The following TECTA variants were observed in gnomAD, a reference collection of about 807,000 sequenced individuals.
TECTA encodes the protein alpha-tectorin.
In TECTA, 128 loss-of-function variants were observed where a neutral mutation model predicts 216.8. That is an observed-to-expected ratio of 0.59 (90% CI 0.51 to 0.68). The LOEUF is 0.68. Ranked by LOEUF, TECTA falls within the 30% of genes least tolerant of loss-of-function variation. The pLI, the probability that TECTA is intolerant of heterozygous loss-of-function variation, is 0.00. For synonymous variants in TECTA, 1,089 were observed against 1,117.1 expected (o/e 0.97, Z 0.50); for missense variants, 2,551 against 2,786.2 (o/e 0.92, Z 1.90).
At position 121,125,135 on chromosome 11, in the gene TECTA, C is replaced by A. The variant is rs141892063; in HGVS notation, c.1204-167C>A. ...CCCACAAGCAGCTCTCTCCATTTCC[C>A]CCCCGGCCTTTGCCTTAATCAGAGG... On this transcript the variant is annotated intron_variant, in intron 7 of 23. Transcript: ENST00000392793. Among the ~76,000 whole-genome samples the A allele has an allele frequency of 2.0e-5, 3 of 152,370 alleles. No homozygotes were observed. In the East Asian group the frequency reaches 5.8e-4, roughly 29 times the overall value.
chr11:121,109,060 T>C, intron 3 of TECTA, 151 bp from the exon 4 acceptor site: 1 of 800,464 alleles, frequency 1.2e-6, no homozygotes, highest in Non-Finnish European at 2.0e-6. Context: ...CCTCTTAGTC[T>C]GAGCAATGGA....
At chr11:121,106,322 TG>T (rs922636178) in intron 3 of TECTA, among the ~76,000 whole-genome samples, 2 of 152,170 alleles carry the variant, frequency 1.3e-5, no homozygotes, top group African/African-American at 4.8e-5. Flanking sequence ...CTTTCCCTTC[TG>T]GGGGTGTGAA....
At position 121,185,277 on chromosome 11, in the gene TECTA, T is replaced by A. The variant is rs117117457; in HGVS notation, c.6000-2555T>A. 6.7e-3 allele frequency among the ~76,000 whole-genome samples: 1,021 copies of A among 152,184 alleles called. 8 individuals carry two copies. Among genetic ancestry groups the A allele is most frequent in the Non-Finnish European group, 0.011 (761 of 67,922 alleles). ...CAGTGCATTTAGGGAAACCAGATGT[T>A]CAATGCTTAATGAATGAGTAGGGAA... On this transcript the variant is annotated intron_variant, in intron 20 of 23. Coordinates refer to ENST00000392793, the MANE Select transcript of TECTA (RefSeq NM_005422.4).
chr11:121,118,643 CTGGG>C lies in TECTA; in HGVS notation c.1131_1134del (p.Trp377Ter), dbSNP rs1330220728. 28 of 1,614,038 alleles carry C rather than the reference CTGGG, an allele frequency of 1.7e-5. No homozygotes were observed. Among genetic ancestry groups the C allele is most frequent in the Non-Finnish European group, 2.1e-5 (25 of 1,180,044 alleles). On this transcript the variant is annotated frameshift_variant, in exon 7 of 24. Transcript: ENST00000392793. LOFTEE classifies it high-confidence loss of function. ...AACACCGCAGAGGTTCAGCCGTCTCCTGGGTGAAGGAGCTCTCAGTGGAGGTGAA... is the reference window on the plus strand; with the variant it reads ...AACACCGCAGAGGTTCAGCCGTCTCCTGAAGGAGCTCTCAGTGGAGGTGAA...
At chr11:121,150,643 ATTTTTT>A (rs202043512) in intron 12 of TECTA, among the ~76,000 whole-genome samples, 1,725 of 127,940 alleles carry the variant, frequency 0.013, 8 homozygotes, top group Non-Finnish European at 0.019. Flanking sequence ...GCCTATTTTA[ATTTTTT>A]TTTTTTTTTT....
At chr11:121,119,769 C>T (rs906155631) in intron 7 of TECTA, among the ~76,000 whole-genome samples, 5 of 152,172 alleles carry the variant, frequency 3.3e-5, no homozygotes, top group African/African-American at 9.6e-5. Context: ...GGCCAGGGAA[C>T]TAATTCCACT....
chr11:121,168,530 C>A, intron 19 of TECTA, 147 bp from the exon 20 acceptor site: 1 of 1,182,460 alleles, frequency 8.5e-7, no homozygotes, highest in Non-Finnish European at 1.2e-6. Context: ...CCCCATGTGG[C>A]TAGCAGGTAC....
chr11:121,117,390 C>T (rs1200474104), intron 6 of TECTA, among the ~76,000 whole-genome samples: 1 of 152,178 alleles, frequency 6.6e-6, no homozygotes, highest in Non-Finnish European at 1.5e-5. Context: ...GACTAGATCA[C>T]AGTCCCCAGC....
rs1168000341 is a variant in TECTA at position 121,101,246 on chromosome 11, T to C, written c.-198T>C. On this transcript the variant is annotated 5_prime_UTR_variant, in exon 1 of 24. Transcript: ENST00000392793. Reference sequence around the variant, plus strand: ...AAAAAACTTGATTGCAGCTCAACACTTACCTGTCTCTAGTGCAGGACTAAC... The same window carrying C: ...AAAAAACTTGATTGCAGCTCAACACCTACCTGTCTCTAGTGCAGGACTAAC... The C allele has an allele frequency of 6.6e-6, 1 of 152,246 alleles. No individual in the cohort carries two copies. Among genetic ancestry groups the C allele is most frequent in the Non-Finnish European group, 1.5e-5 (1 of 68,040 alleles). 9.4% of individuals were successfully genotyped at this position (152,246 alleles called of 1,614,324 possible). A position where few individuals can be genotyped will look rare whatever the true frequency, so the allele number is the denominator to read the frequency against.
chr11:121,121,064 C>G (rs544276078), intron 7 of TECTA, among the ~76,000 whole-genome samples: 1 of 152,282 alleles, frequency 6.6e-6, no homozygotes, highest in East Asian at 1.9e-4. Flanking sequence ...CTTTGGAGCT[C>G]GACTAGGAGG....
intron 6 of TECTA, among the ~76,000 whole-genome samples, chr11:121,116,161 A>G (rs1946499372): frequency 6.6e-6 from 1 of 152,214 alleles, no homozygotes. Context: ...CTAAGCTGGT[A>G]TTAACTGGAT....
chr11:121,102,483 A>G (rs982146674), intron 1 of TECTA, among the ~76,000 whole-genome samples, 182 bp from the exon 2 acceptor site: 2 of 152,276 alleles, frequency 1.3e-5, no homozygotes, highest in Admixed American at 1.3e-4. Context: ...TGAAGTGTTG[A>G]ACTTCGGAGG....
Position 121,190,608 on chromosome 11 carries a change from G to A in TECTA, c.6368-98G>A, listed in dbSNP as rs1454678294. ...GGTAAAATGGGTTCTTGGCAATGAA[G>A]TTTCCTTTCTTTAGCTGAGTGCTGC... On this transcript the variant is annotated intron_variant, in intron 23 of 23. Coordinates refer to ENST00000392793, the MANE Select transcript of TECTA (RefSeq NM_005422.4). 4.2e-6 allele frequency: 4 copies of A among 961,650 alleles called. No individual in the cohort carries two copies. In the East Asian group the frequency reaches 1.0e-4, roughly 24 times the overall value. The allele number at this position is 961,650 out of a possible 1,614,324, so 59.6% of individuals were successfully genotyped here.
At chr11:121,123,623 A>G (rs539486411) in intron 7 of TECTA, among the ~76,000 whole-genome samples, 15 of 152,358 alleles carry the variant, frequency 9.8e-5, no homozygotes, top group Non-Finnish European at 1.5e-4. Flanking sequence ...TCCCTGCAGA[A>G]TAGAAATCCA....
intron 20 of TECTA, among the ~76,000 whole-genome samples, chr11:121,187,508 G>A (rs1313436057): frequency 2.6e-5 from 4 of 152,206 alleles, no homozygotes; most frequent in South Asian, 2.1e-4. Flanking sequence ...AATTGGTATC[G>A]GTAGAACACA....
chr11:121,179,327 G>GTA (rs773874434), intron 20 of TECTA, among the ~76,000 whole-genome samples: 49 of 152,088 alleles, frequency 3.2e-4, no homozygotes, highest in Non-Finnish European at 6.2e-4. Context: ...TAATTTCTAA[G>GTA]TATTTGTTCA....
intron 21 of TECTA, 73 bp downstream of exon 21, chr11:121,188,067 G>C (rs1223120758): frequency 7.1e-6 from 11 of 1,543,420 alleles, no homozygotes; most frequent in Admixed American, 3.3e-5. Flanking sequence ...TGAGGATCGT[G>C]AATGCCAGGT....
At chr11:121,106,173 A>C (rs1342979561) in intron 3 of TECTA, among the ~76,000 whole-genome samples, 1 of 152,232 alleles carries the variant, frequency 6.6e-6, no homozygotes, top group African/African-American at 2.4e-5. Context: ...ATAGTGGAGG[A>C]GTATACAGGG....
At chr11:121,108,802 C>A (rs1946415991) in intron 3 of TECTA, among the ~76,000 whole-genome samples, 2 of 82,426 alleles carry the variant, frequency 2.4e-5, no homozygotes, top group Admixed American at 2.3e-4. Flanking sequence ...ATACTCCTCA[C>A]CTCAGTACAC....
Sources: allele counts gnomAD v4.1 joint callset (sites outside exome capture counted in the v4.1 genomes callset), GRCh38; gene constraint gnomAD v4.1.1; transcripts MANE v1.5; gene names NCBI Gene and HGNC (gene_info 2026-07-23, HGNC 2026-07-21).